Variants in EYS observed in about 807,000 individuals in gnomAD.
EYS encodes protein eyes shut homolog.
EYS carries 250 observed loss-of-function variants against 282.1 expected under a neutral mutation model. The ratio of observed to expected loss-of-function variants is 0.89; its 90% CI spans 0.80 to 0.98. The LOEUF (loss-of-function observed/expected upper bound fraction) is 0.98. Ranked by LOEUF, EYS falls within the 50% of genes least tolerant of loss-of-function variation. The pLI, the probability that EYS is intolerant of heterozygous loss-of-function variation, is 0.00. For missense variants in EYS, 4,016 were observed against 3,709.0 expected, an observed-to-expected ratio of 1.08 and a Z score of -2.15; for synonymous variants, 1,355 against 1,282.9, an observed-to-expected ratio of 1.06 and a Z score of -1.20.
At chr6:63,908,778 A>G (rs1773846776) in intron 35 of EYS, among the ~76,000 whole-genome samples, 2 of 152,144 alleles carry the variant, frequency 1.3e-5, no homozygotes, top group African/African-American at 4.8e-5. Flanking sequence ...TTAATAAACC[A>G]TCATTTTCTA....
At chr6:64,071,134 T>C (rs1411222218) in intron 32 of EYS, among the ~76,000 whole-genome samples, 3 of 151,980 alleles carry the variant, frequency 2.0e-5, no homozygotes, top group African/African-American at 7.2e-5. Context: ...TCCCCCTACC[T>C]CAGGTTCTAG....
intron 22 of EYS, among the ~76,000 whole-genome samples, chr6:64,687,826 T>A (rs572709621): frequency 6.6e-6 from 1 of 152,322 alleles, no homozygotes; most frequent in South Asian, 2.1e-4. Flanking sequence ...TCTGGTAGAA[T>A]TCGGCAGTGA....
At chr6:64,123,225 C>T (rs186905423) in intron 31 of EYS, among the ~76,000 whole-genome samples, 1 of 152,202 alleles carries the variant, frequency 6.6e-6, no homozygotes, top group Non-Finnish European at 1.5e-5. Context: ...TCCATTCGAG[C>T]ATAGCATTTA....
At chr6:64,564,589 A>C (rs1285348289) in intron 26 of EYS, among the ~76,000 whole-genome samples, 1 of 151,820 alleles carries the variant, frequency 6.6e-6, no homozygotes, top group Non-Finnish European at 1.5e-5. Context: ...CCTTTTTTAA[A>C]TCATACTTTA....
chr6:65,101,576 T>C (rs1774893615), intron 12 of EYS, among the ~76,000 whole-genome samples: 1 of 151,220 alleles, frequency 6.6e-6, no homozygotes, highest in African/African-American at 2.4e-5. Flanking sequence ...ATAAATAGCA[T>C]TTATTCATTG....
At chr6:64,533,051 A>T (rs553772211) in intron 26 of EYS, among the ~76,000 whole-genome samples, 1 of 152,330 alleles carries the variant, frequency 6.6e-6, no homozygotes, top group South Asian at 2.1e-4. Flanking sequence ...ACAAGCTAGA[A>T]ACTTAAAACA....
chr6:65,194,483 C>T (rs1765717164), intron 12 of EYS, among the ~76,000 whole-genome samples: 1 of 151,942 alleles, frequency 6.6e-6, no homozygotes, highest in Non-Finnish European at 1.5e-5. Context: ...ATTCCAGCAA[C>T]TAACTTATAC....
intron 22 of EYS, among the ~76,000 whole-genome samples, chr6:64,645,877 A>T (rs1651719688): frequency 6.6e-6 from 1 of 152,336 alleles, no homozygotes; most frequent in Non-Finnish European, 1.5e-5. Flanking sequence ...ACTAAGGTTA[A>T]TCTGTCTCCA....
At chr6:65,695,200 G>A (rs993469610) in intron 1 of EYS, among the ~76,000 whole-genome samples, 1 of 151,962 alleles carries the variant, frequency 6.6e-6, no homozygotes, top group Non-Finnish European at 1.5e-5. Context: ...ATTTTCAACA[G>A]CGAGTTATGT....
At chr6:65,454,889 G>A (rs1453406868) in intron 5 of EYS, among the ~76,000 whole-genome samples, 1 of 152,170 alleles carries the variant, frequency 6.6e-6, no homozygotes, top group South Asian at 2.1e-4. Flanking sequence ...CCAGTACCAT[G>A]CTCTTTTGGT....
chr6:64,047,061 T>C (rs566722989), intron 33 of EYS, among the ~76,000 whole-genome samples: 3 of 151,894 alleles, frequency 2.0e-5, no homozygotes, highest in East Asian at 1.9e-4. Context: ...CTAATGACTT[T>C]TTTTCCCCCT....
chr6:65,228,759 A>G (rs1264558742), intron 12 of EYS, among the ~76,000 whole-genome samples: 1 of 152,072 alleles, frequency 6.6e-6, no homozygotes, highest in Non-Finnish European at 1.5e-5. Flanking sequence ...TGACTTCGAG[A>G]CTTGTTATAA....
chr6:64,100,874 CCCT>C (rs1191667659), intron 31 of EYS, among the ~76,000 whole-genome samples: 1 of 152,124 alleles, frequency 6.6e-6, no homozygotes, highest in Non-Finnish European at 1.5e-5. Flanking sequence ...TAGGCACTCC[CCCT>C]CCTCCACCTG....
chr6:64,499,842 C>G (rs1423748215), intron 26 of EYS, among the ~76,000 whole-genome samples: 1 of 152,006 alleles, frequency 6.6e-6, no homozygotes, highest in Non-Finnish European at 1.5e-5. Flanking sequence ...TGTGCTATTT[C>G]TTATAGTTTG....
chr6:65,506,545 C>T (rs1766666857), intron 2 of EYS, among the ~76,000 whole-genome samples: 1 of 120,630 alleles, frequency 8.3e-6, no homozygotes, highest in African/African-American at 3.1e-5. Context: ...ATAGTTTGGT[C>T]ATAGCTCACT....
intron 35 of EYS, among the ~76,000 whole-genome samples, chr6:63,977,046 A>G (rs2149787510): frequency 6.6e-6 from 1 of 151,744 alleles, no homozygotes; most frequent in South Asian, 2.1e-4. Flanking sequence ...TTTTATTATT[A>G]CTCAAGTTAG....
chr6:64,108,457 G>A (rs1773102102), intron 31 of EYS, among the ~76,000 whole-genome samples: 1 of 147,668 alleles, frequency 6.8e-6, no homozygotes, highest in Non-Finnish European at 1.5e-5. Flanking sequence ...ACAGAATGGT[G>A]ACTTCCAAGC....
chr6:64,453,723 T>A (rs1283724438), intron 26 of EYS, among the ~76,000 whole-genome samples: 1 of 152,118 alleles, frequency 6.6e-6, no homozygotes, highest in African/African-American at 2.4e-5. Flanking sequence ...TGGATGAAGC[T>A]GGAAACCATC....
Position 65,402,498 on chromosome 6 carries a change from A to G in EYS, c.1164T>C (p.Cys388=), listed in dbSNP as rs1249695130. Residue 388 remains cysteine (C), a synonymous_variant, in exon 7 of 43, where the codon TGT becomes TGC. Coordinates refer to ENST00000503581, the MANE Select transcript of EYS (RefSeq NM_001142800.2). ...TATACCTGCAAGGATAATCTTTCTC[A>G]CATTTCTTACATGTAGCATTATTCC... is the stretch of plus-strand genomic sequence containing the variant. ...PLRNNATCKK[C]EKDYPCSCIS... The G allele has an allele frequency of 2.0e-6, 3 of 1,521,528 alleles. No individual in the cohort carries two copies. Among genetic ancestry groups the G allele is most frequent in the Non-Finnish European group, 2.7e-6 (3 of 1,096,868 alleles). 94.3% of individuals were successfully genotyped at this position (1,521,528 alleles called of 1,614,324 possible).
Sources: gnomAD v4.1 joint callset for allele counts (sites outside exome capture counted in the v4.1 genomes callset) on GRCh38, gnomAD v4.1.1 for gene constraint, MANE v1.5 for transcripts, NCBI Gene and HGNC (gene_info 2026-07-23, HGNC 2026-07-21) for gene names.